Variants in RNF115 observed in about 807,000 individuals in gnomAD.
RNF115 encodes E3 ubiquitin-protein ligase RNF115.
A neutral mutation model predicts 39.2 loss-of-function variants in RNF115; 31 were observed. The ratio of observed to expected loss-of-function variants is 0.79; its 90% confidence interval spans 0.59 to 1.07. RNF115 has a LOEUF of 1.07. RNF115 is among the 50% of genes least tolerant of loss of function. RNF115 has a pLI of 0.00. For missense variants in RNF115, 384 were observed against 381.7 expected, an observed-to-expected ratio of 1.01 and a Z score of -0.05; for synonymous variants, 124 against 131.0, an observed-to-expected ratio of 0.95 and a Z score of 0.37.
In RNF115 at chr1:145,765,433, A is replaced by T. The variant is rs1414640701; in HGVS notation, c.428+6278T>A. Among the ~76,000 whole-genome samples, 5 of 150,674 alleles carry T rather than the reference A, an allele frequency of 3.3e-5. No homozygotes were observed. The South Asian group carries it at 6.4e-4, about 19-fold the overall frequency. On this transcript the variant is annotated intron_variant, in intron 4 of 8. Coordinates refer to ENST00000582693, the MANE Select transcript of RNF115 (RefSeq NM_014455.4). ...ATGATCAATAAAAAAAAAAAAAATTAAAAAAAAATTATTTGAAGTGAAATA... is the reference window on the plus strand; with the variant it reads ...ATGATCAATAAAAAAAAAAAAAATTTAAAAAAAATTATTTGAAGTGAAATA...
Position 145,745,037 on chromosome 1 carries a change from A to C in RNF115, c.*1829T>G, listed in dbSNP as rs1657819664. 6.6e-6 allele frequency: 1 copy of C among 152,264 alleles called. No individual in the cohort carries two copies. Among genetic ancestry groups the C allele is most frequent in the Non-Finnish European group, 1.5e-5 (1 of 68,068 alleles). The allele number at this position is 152,264 out of a possible 1,614,324, so 9.4% of individuals were successfully genotyped here. On this transcript the variant is annotated 3_prime_UTR_variant, in exon 9 of 9. Transcript: ENST00000582693. The stretch of plus-strand genomic sequence containing the variant: ...AAAAGGAAAGTTTCAGAGATGAAAA[A>C]TAGGCTTAAAAATTAAAATGTGACA...
intron 1 of RNF115, 60 bp from the exon 2 acceptor site, chr1:145,789,026 T>C (rs1265076072): frequency 2.3e-5 from 24 of 1,053,352 alleles, no homozygotes; most frequent in Non-Finnish European, 2.8e-5. Flanking sequence ...GTGGTATCTG[T>C]AGTTTCAGAA....
chr1:145,784,780 A>G (rs940543322), intron 2 of RNF115, among the ~76,000 whole-genome samples, 184 bp from the exon 3 acceptor site: 1 of 152,196 alleles, frequency 6.6e-6, no homozygotes, highest in African/African-American at 2.4e-5. Flanking sequence ...AAAGTATCAT[A>G]AACCACAAAA....
At chr1:145,812,072 C>T (rs4436335) in intron 1 of RNF115, among the ~76,000 whole-genome samples, 6,255 of 134,114 alleles carry the variant, frequency 0.047, 207 homozygotes, top group African/African-American at 0.18. Flanking sequence ...ATCAGCATCA[C>T]TGTAGGATAC....
chr1:145,808,118 G>A (rs927122087), intron 1 of RNF115, among the ~76,000 whole-genome samples: 26 of 152,070 alleles, frequency 1.7e-4, no homozygotes, highest in Admixed American at 3.9e-4. Context: ...CTCTGATTCC[G>A]TCTTTGCTGC....
At position 145,740,692 on chromosome 1, in the gene RNF115, T is replaced by C. The variant is rs1657663968; in HGVS notation, c.*6174A>G. The C allele has an allele frequency of 6.6e-6, 1 of 152,206 alleles. No homozygotes were observed. Among genetic ancestry groups the C allele is most frequent in the Admixed American group, 6.5e-5 (1 of 15,276 alleles). 9.4% of individuals were successfully genotyped at this position (152,206 alleles called of 1,614,324 possible). ...GCCTGAATAAATATCTTTCAAATAT[T>C]TGTATATATTTCAATTGGATGTAGA... On this transcript the variant is annotated 3_prime_UTR_variant, in exon 9 of 9. Transcript: ENST00000582693.
At chr1:145,767,359 C>T (rs1647378325) in intron 4 of RNF115, among the ~76,000 whole-genome samples, 1 of 151,960 alleles carries the variant, frequency 6.6e-6, no homozygotes, top group South Asian at 2.1e-4. Context: ...CAGAGACGCT[C>T]CTCACATCCC....
intron 1 of RNF115, among the ~76,000 whole-genome samples, chr1:145,810,663 G>T (rs1553722387): frequency 6.9e-6 from 1 of 144,732 alleles, no homozygotes; most frequent in East Asian, 2.0e-4. Context: ...AAAAGTTGCA[G>T]AAAAAAAAAA....
At chr1:145,823,679 T>C in intron 1 of RNF115, 93 bp downstream of exon 1, 2 of 1,028,598 alleles carry the variant, frequency 1.9e-6, no homozygotes, top group Non-Finnish European at 2.8e-6. Context: ...GTCGGGCGAG[T>C]CAATGATGTG....
intron 3 of RNF115, among the ~76,000 whole-genome samples, chr1:145,779,165 T>C (rs1553716955): frequency 1.4e-5 from 2 of 144,378 alleles, no homozygotes; most frequent in Admixed American, 1.4e-4. Context: ...TTAAAGAATA[T>C]GAAGTCCTAA....
At chr1:145,796,293 G>T (rs1553720014) in intron 1 of RNF115, among the ~76,000 whole-genome samples, 1 of 152,108 alleles carries the variant, frequency 6.6e-6, no homozygotes, top group African/African-American at 2.4e-5. Flanking sequence ...AAGAGACAAG[G>T]TGTTAGATGA....
chr1:145,812,676 A>C (rs1269794592), intron 1 of RNF115, among the ~76,000 whole-genome samples: 1 of 151,388 alleles, frequency 6.6e-6, no homozygotes, highest in Non-Finnish European at 1.5e-5. Context: ...AAAAACCAAA[A>C]AACAAAATCT....
At chr1:145,815,292 T>C (rs587641907) in intron 1 of RNF115, among the ~76,000 whole-genome samples, 1 of 152,422 alleles carries the variant, frequency 6.6e-6, no homozygotes, top group East Asian at 1.9e-4. Flanking sequence ...AGAAGCCTAC[T>C]ACATAGTTTC....
At chr1:145,781,576 G>A (rs918478569) in intron 3 of RNF115, among the ~76,000 whole-genome samples, 4 of 152,048 alleles carry the variant, frequency 2.6e-5, no homozygotes, top group African/African-American at 7.2e-5. Context: ...CTCACTAGAT[G>A]GTAGGCACAT....
At chr1:145,795,310 T>C (rs1385559434) in intron 1 of RNF115, among the ~76,000 whole-genome samples, 1 of 152,062 alleles carries the variant, frequency 6.6e-6, no homozygotes, top group African/African-American at 2.4e-5. Flanking sequence ...GCAGCAAGTT[T>C]TACTGAGAAG....
intron 2 of RNF115, among the ~76,000 whole-genome samples, chr1:145,785,376 G>C (rs1357250126): frequency 6.6e-6 from 1 of 152,072 alleles, no homozygotes; most frequent in Non-Finnish European, 1.5e-5. Context: ...ATCCTGCAAT[G>C]TCAATATCCT....
At position 145,741,215 on chromosome 1, in the gene RNF115, T is replaced by C. The variant is rs1657682891; in HGVS notation, c.*5651A>G. 2 of 152,214 alleles carry C rather than the reference T, an allele frequency of 1.3e-5. No individual in the cohort carries two copies. Among genetic ancestry groups the C allele is most frequent in the African/African-American group, 4.8e-5 (2 of 41,456 alleles). 9.4% of individuals were successfully genotyped at this position (152,214 alleles called of 1,614,324 possible). A position where few individuals can be genotyped will look rare whatever the true frequency, so the allele number is the denominator to read the frequency against. Reference sequence around the variant, plus strand: ...TAAAGAATCACAGGCTTACATCCTATGATCACAGATCTAAGTGTTCTGGTT... The same window carrying C: ...TAAAGAATCACAGGCTTACATCCTACGATCACAGATCTAAGTGTTCTGGTT... On this transcript the variant is annotated 3_prime_UTR_variant, in exon 9 of 9. Coordinates refer to ENST00000582693, the MANE Select transcript of RNF115 (RefSeq NM_014455.4).
chr1:145,782,065 G>A (rs1447542333), intron 3 of RNF115, among the ~76,000 whole-genome samples: 1 of 151,818 alleles, frequency 6.6e-6, no homozygotes, highest in African/African-American at 2.4e-5. Context: ...ACCATGCCTG[G>A]CTAATTTTTT....
At chr1:145,812,226 A>G (rs1156826725) in intron 1 of RNF115, among the ~76,000 whole-genome samples, 1 of 149,914 alleles carries the variant, frequency 6.7e-6, no homozygotes, top group African/African-American at 2.4e-5. Flanking sequence ...TTAAAAGTCT[A>G]TTCAAATCTG....
Sources: allele counts gnomAD v4.1 joint callset (sites outside exome capture counted in the v4.1 genomes callset), GRCh38; gene constraint gnomAD v4.1.1; transcripts MANE v1.5; gene names NCBI Gene and HGNC (gene_info 2026-07-23, HGNC 2026-07-21).